The following TSPEAR variants were observed in gnomAD, a reference collection of about 807,000 sequenced individuals.
TSPEAR encodes thrombospondin type laminin G domain and EAR repeats, also known as thrombospondin-type laminin G domain and EAR repeat-containing protein.
A neutral mutation model predicts 71.6 loss-of-function variants in TSPEAR; 69 were observed. The observed-to-expected ratio is 0.96, with a 90% CI of 0.79 to 1.18. The LOEUF is 1.18. Among genes scored for constraint, TSPEAR ranks in the 50% most tolerant of loss-of-function variants. The probability of loss-of-function intolerance (pLI) is 0.00; values close to 1 mark genes in which losing one functional copy is unlikely to be tolerated. For missense variants in TSPEAR, 971 were observed against 894.9 expected (o/e 1.09, Z -1.09); for synonymous variants, 402 against 387.2 (o/e 1.04, Z -0.45).
At chr21:44,538,407 T>G (rs1303769467) in intron 2 of TSPEAR, among the ~76,000 whole-genome samples, 1 of 133,802 alleles carries the variant, frequency 7.5e-6, no homozygotes, top group African/African-American at 2.9e-5. Flanking sequence ...TCCCTACACC[T>G]GTGTGGAAAC....
intron 1 of TSPEAR, among the ~76,000 whole-genome samples, chr21:44,597,420 T>TTTTCTTTTTC (rs1555927755): frequency 0.079 from 11,646 of 147,030 alleles, 655 homozygotes; most frequent in East Asian, 0.18. Flanking sequence ...CTCTTTTTCT[T>TTTTCTTTTTC]TTTCTTTCTT....
rs1316029227 is a variant in TSPEAR at position 44,558,459 on chromosome 21, T to C, written c.303+9326A>G. On this transcript the variant is annotated intron_variant, in intron 2 of 11. Coordinates refer to ENST00000323084, the MANE Select transcript of TSPEAR (RefSeq NM_144991.3). ...GGGGGAGGATGTGCAGCAAGCTGGCTGGCAGCTAGACTGCTGGCAGCACGA... is the reference window on the plus strand; with the variant it reads ...GGGGGAGGATGTGCAGCAAGCTGGCCGGCAGCTAGACTGCTGGCAGCACGA... The C allele has an allele frequency of 7.4e-6, 12 of 1,613,940 alleles. 1 individual carries two copies. The highest frequency in any genetic ancestry group is 1.0e-5 in the Non-Finnish European group (12 of 1,179,954).
rs1457412077 is a variant in TSPEAR at position 44,710,274 on chromosome 21, T to C, written c.82+1159A>G. 6.6e-6 allele frequency among the ~76,000 whole-genome samples: 1 copy of C among 152,202 alleles called. No homozygotes were observed. Among genetic ancestry groups the C allele is most frequent in the East Asian group, 1.9e-4 (1 of 5,196 alleles). On this transcript the variant is annotated intron_variant, in intron 1 of 11. Coordinates refer to ENST00000323084, the MANE Select transcript of TSPEAR (RefSeq NM_144991.3). The surrounding 1 kb of genome is among the most constrained non-coding windows in gnomAD (Gnocchi z 4.6). Reference sequence around the variant, plus strand: ...CAGTCCCTGCGGGCAGGTGCAGCTGTGCGGGAGCTTCAGTCCTGTCCCCAA... The same window carrying C: ...CAGTCCCTGCGGGCAGGTGCAGCTGCGCGGGAGCTTCAGTCCTGTCCCCAA...
intron 2 of TSPEAR, among the ~76,000 whole-genome samples, chr21:44,554,493 C>T (rs1170648273): frequency 6.6e-6 from 1 of 152,272 alleles, no homozygotes; most frequent in African/African-American, 2.4e-5. Flanking sequence ...GACAGGAAGA[C>T]ACTGACCTAG....
chr21:44,548,797 T>C (rs1469646370), intron 2 of TSPEAR, among the ~76,000 whole-genome samples: 1 of 152,214 alleles, frequency 6.6e-6, no homozygotes, highest in East Asian at 1.9e-4. Context: ...TTGGAGGGCA[T>C]TTCTCAGTAT....
At chr21:44,543,333 G>T (rs2146012647) in intron 2 of TSPEAR, among the ~76,000 whole-genome samples, 1 of 152,330 alleles carries the variant, frequency 6.6e-6, no homozygotes, top group East Asian at 1.9e-4. Context: ...TAGAGTTAAA[G>T]TGGCTTAAGC....
At chr21:44,694,590 G>A (rs138479612) in intron 1 of TSPEAR, among the ~76,000 whole-genome samples, 274 of 152,192 alleles carry the variant, frequency 1.8e-3, no homozygotes, top group African/African-American at 5.3e-3. Context: ...ATTTTACCAC[G>A]ATGTTTAAAA....
chr21:44,616,392 A>G (rs1982097379), intron 1 of TSPEAR, among the ~76,000 whole-genome samples: 1 of 152,110 alleles, frequency 6.6e-6, no homozygotes, highest in Non-Finnish European at 1.5e-5. Context: ...CACCTTCCAC[A>G]CAACCACAGA....
chr21:44,506,139 T>A lies in TSPEAR; in HGVS notation c.1755-1258A>T, dbSNP rs2052195279. ...TGTTCTCCTAGAAGCAGAAGCTGTT[T>A]CTTGTTGCAAACAAATTTGCTGTGT... On this transcript the variant is annotated intron_variant, in intron 10 of 11. Transcript: ENST00000323084. This position sits in a 1 kb window ranked among gnomAD's most constrained non-coding sequence, Gnocchi z 4.2. Among the ~76,000 whole-genome samples, 2 of 152,206 alleles carry A rather than the reference T, an allele frequency of 1.3e-5. No homozygotes were observed. Among genetic ancestry groups the A allele is most frequent in the Admixed American group, 6.5e-5 (1 of 15,288 alleles).
chr21:44,542,013 C>A (rs1461179407), intron 2 of TSPEAR, among the ~76,000 whole-genome samples: 1 of 152,112 alleles, frequency 6.6e-6, no homozygotes, highest in Admixed American at 6.6e-5. Flanking sequence ...GAGAAACAGA[C>A]GTGCAGGAGA....
At chr21:44,677,776 T>C in intron 1 of TSPEAR, 1 of 1,320,262 alleles carries the variant, frequency 7.6e-7, no homozygotes, top group South Asian at 1.2e-5. Context: ...CCAGACTGAG[T>C]TGATTTCTTT....
Position 44,675,842 on chromosome 21 carries a change from C to T in TSPEAR, c.82+35591G>A, listed in dbSNP as rs11911132. The T allele has an allele frequency of 5.1e-3, 3,200 of 622,664 alleles. 89 individuals are homozygous for T. In the African/African-American group the frequency reaches 0.051, roughly 10 times the overall value. The allele number at this position is 622,664 out of a possible 1,614,324, so 38.6% of individuals were successfully genotyped here. Reference sequence around the variant, plus strand: ...CTGCTGATTTCCTTGACATGAAATACGACTTTACGAAAATCTTCCTAGACC... The same window carrying T: ...CTGCTGATTTCCTTGACATGAAATATGACTTTACGAAAATCTTCCTAGACC... On this transcript the variant is annotated intron_variant, in intron 1 of 11. Coordinates refer to ENST00000323084, the MANE Select transcript of TSPEAR (RefSeq NM_144991.3).
At chr21:44,686,973 G>A (rs781087178) in intron 1 of TSPEAR, among the ~76,000 whole-genome samples, 4 of 152,190 alleles carry the variant, frequency 2.6e-5, no homozygotes, top group African/African-American at 4.8e-5. Flanking sequence ...TCGGGAAGAC[G>A]CTCTGGGAAA....
intron 2 of TSPEAR, among the ~76,000 whole-genome samples, chr21:44,545,690 C>G (rs2053292776): frequency 6.6e-6 from 1 of 151,988 alleles, no homozygotes; most frequent in Non-Finnish European, 1.5e-5. Context: ...AAAGAGAAGA[C>G]AGAAAATACT....
At chr21:44,582,347 G>A (rs1015628271) in intron 1 of TSPEAR, among the ~76,000 whole-genome samples, 1 of 152,190 alleles carries the variant, frequency 6.6e-6, no homozygotes, top group Non-Finnish European at 1.5e-5. Flanking sequence ...ACATGGCTCC[G>A]TTCTGTCACA....
At chr21:44,689,729 A>ATATATATATTTTTTTTTT in intron 1 of TSPEAR, among the ~76,000 whole-genome samples, 1 of 117,052 alleles carries the variant, frequency 8.5e-6, no homozygotes, top group African/African-American at 3.6e-5. Flanking sequence ...ATATATATAT[A>ATATATATATTTTTTTTTT]TATATATATA....
chr21:44,645,561 C>T (rs1433237435), intron 1 of TSPEAR, among the ~76,000 whole-genome samples: 1 of 151,774 alleles, frequency 6.6e-6, no homozygotes, highest in Non-Finnish European at 1.5e-5. Flanking sequence ...ACCATGCTGG[C>T]CAGGCTGGTC....
At chr21:44,650,881 G>A (rs1273034898) in intron 1 of TSPEAR, among the ~76,000 whole-genome samples, 1 of 152,196 alleles carries the variant, frequency 6.6e-6, no homozygotes, top group African/African-American at 2.4e-5. Context: ...CTCTGAAGAG[G>A]GGACAACCAT....
chr21:44,659,987 G>A (rs1032529492), intron 1 of TSPEAR, among the ~76,000 whole-genome samples: 4 of 152,224 alleles, frequency 2.6e-5, no homozygotes, highest in Non-Finnish European at 4.4e-5. Context: ...CGGTATCACA[G>A]ATGGCTTCCT....
Sources: allele counts gnomAD v4.1 joint callset (sites outside exome capture counted in the v4.1 genomes callset), GRCh38; gene constraint gnomAD v4.1.1; non-coding constraint Gnocchi (gnomAD v3.1); transcripts MANE v1.5; gene names NCBI Gene and HGNC (gene_info 2026-07-23, HGNC 2026-07-21).